Variants in RFX7 observed in about 807,000 individuals in gnomAD.
RFX7 encodes the protein regulatory factor X7, also known as DNA-binding protein RFX7.
Under a neutral mutation model 111.8 loss-of-function variants are expected in RFX7, and 26 were observed. The observed-to-expected ratio is 0.23, with a 90% CI of 0.17 to 0.32. The LOEUF (loss-of-function observed/expected upper bound fraction) is 0.32. RFX7 is among the 10% of genes least tolerant of loss of function. The pLI is 1.00. For synonymous variants in RFX7, 624 were observed against 624.4 expected (o/e 1.00, Z 0.01); for missense variants, 1,573 against 1,772.9 (o/e 0.89, Z 2.02).
intron 2 of RFX7, among the ~76,000 whole-genome samples, chr15:56,187,793 G>A (rs2043057732): frequency 6.6e-6 from 1 of 152,158 alleles, no homozygotes; most frequent in Admixed American, 6.5e-5. Context: ...AAAAAATAAA[G>A]TTGGGGTTTG....
chr15:56,098,121 G>T lies in RFX7; in HGVS notation c.1067C>A (p.Pro356His). Residue 356 changes from proline to histidine, a missense_variant, in exon 9 of 10, where the codon CCT becomes CAT. Physicochemically the swap from Pro to His is moderately conservative, Grantham distance 77 (BLOSUM62 -2). Coordinates refer to ENST00000559447, the MANE Select transcript of RFX7 (RefSeq NM_022841.7). ...NGNPSILSPQPIGIVVAAVPS... is the reference protein window; with the variant it reads ...NGNPSILSPQHIGIVVAAVPS... ...GACAGCTGCCACAACGATACCAATA[G>T]GTTGAGGAGAAAGGATTGAAGGATT... The T allele has an allele frequency of 6.2e-7, 1 of 1,613,902 alleles. No individual in the cohort carries two copies. Among genetic ancestry groups the T allele is most frequent in the Non-Finnish European group, 8.5e-7 (1 of 1,179,810 alleles).
rs1049604594 is a variant in RFX7 at position 56,188,893 on chromosome 15, T to C, written c.162-9590A>G. ...TGTCACCCAGGCTGGAATGCAGTGG[T>C]GCGATCTCGGCTCACTGCAACCTCC... On this transcript the variant is annotated intron_variant, in intron 2 of 9. Transcript: ENST00000559447. Among the ~76,000 whole-genome samples, 4 of 152,262 alleles carry C rather than the reference T, an allele frequency of 2.6e-5. No homozygotes were observed. The South Asian group carries it at 8.3e-4, about 32-fold the overall frequency.
intron 2 of RFX7, chr15:56,192,701 C>T (rs1368667270): frequency 5.5e-5 from 12 of 219,210 alleles, no homozygotes; most frequent in African/African-American, 2.8e-4. Context: ...TCAAGTTTAC[C>T]AAAGATTCAA....
chr15:56,093,607 G>A lies in RFX7; in HGVS notation c.4121C>T (p.Thr1374Ile). The A allele has an allele frequency of 6.2e-7, 1 of 1,613,834 alleles. No homozygotes were observed. Among genetic ancestry groups the A allele is most frequent in the South Asian group, 1.1e-5 (1 of 91,072 alleles). The change falls in exon 10 of 10, where the codon ACT becomes ATT. Residue 1374 changes from threonine (T) to isoleucine (I), a missense_variant. Transcript: ENST00000559447. ...QLVGQGASDL[T>I]NTASDFSSDI... ...GCTAGAGAAATCAGATGCAGTATTAGTGAGATCAGATGCTCCCTGACCTAC... is the reference window on the plus strand; with the variant it reads ...GCTAGAGAAATCAGATGCAGTATTAATGAGATCAGATGCTCCCTGACCTAC...
At chr15:56,150,043 G>A (rs1214451461) in intron 3 of RFX7, among the ~76,000 whole-genome samples, 2 of 151,382 alleles carry the variant, frequency 1.3e-5, no homozygotes, top group Non-Finnish European at 2.9e-5. Flanking sequence ...GCGGGGTGGG[G>A]CGGGGGGGTC....
At chr15:56,172,284 A>G (rs1310085246) in intron 3 of RFX7, among the ~76,000 whole-genome samples, 1 of 152,194 alleles carries the variant, frequency 6.6e-6, no homozygotes, top group East Asian at 1.9e-4. Context: ...AATTCAATCA[A>G]CACTTTGACT....
Position 56,094,126 on chromosome 15 carries a change from G to A in RFX7, c.3602C>T (p.Thr1201Ile). 2 of 1,613,962 alleles carry A rather than the reference G, an allele frequency of 1.2e-6. No individual in the cohort carries two copies. The highest frequency in any genetic ancestry group is 8.5e-7 in the Non-Finnish European group (1 of 1,179,888). Residue 1201 changes from threonine to isoleucine, a missense_variant, in exon 10 of 10, where the codon ACC (threonine) becomes ATC (isoleucine). By Grantham distance (89) the Thr-to-Ile change is moderately conservative. This residue lies in a region of RFX7 where 411 missense variants were observed against 478.1 expected (regional missense o/e 0.86). Transcript: ENST00000559447. ...SNVTPFGSPV[T>I]PEVHVFTNVH... ...ATTTGTGAAAACATGAACTTCTGGGGTAACTGGACTTCCAAAGGGGGTCAC... is the reference window on the plus strand; with the variant it reads ...ATTTGTGAAAACATGAACTTCTGGGATAACTGGACTTCCAAAGGGGGTCAC...
chr15:56,153,519 A>G (rs1191177360), intron 3 of RFX7, among the ~76,000 whole-genome samples: 8 of 152,194 alleles, frequency 5.3e-5, no homozygotes, highest in African/African-American at 1.9e-4. Flanking sequence ...AACCCAATCC[A>G]CATAAAAAGA....
Position 56,095,104 on chromosome 15 carries a change from T to C in RFX7, c.2624A>G (p.Tyr875Cys). ...EPSVSQTNES[Y>C]FPFDDELTQD... ...TGTAAGTTCATCATCAAAAGGAAAG[T>C]AGCTTTCATTTGTCTGGGAAACAGA... Residue 875 changes from tyrosine (Y) to cysteine (C), a missense_variant, in exon 10 of 10, where the codon TAC becomes TGC. Tyr to Cys is a radical substitution (Grantham distance 194, BLOSUM62 -2). Transcript: ENST00000559447. 1 of 1,613,782 alleles carries C rather than the reference T, an allele frequency of 6.2e-7. No homozygotes were observed. Among genetic ancestry groups the C allele is most frequent in the Admixed American group, 1.7e-5 (1 of 60,012 alleles).
At chr15:56,183,433 A>T (rs2042999143) in intron 2 of RFX7, among the ~76,000 whole-genome samples, 2 of 152,200 alleles carry the variant, frequency 1.3e-5, no homozygotes, top group South Asian at 4.2e-4. Flanking sequence ...CTTTAATCGG[A>T]ATTTATTCTT....
chr15:56,140,471 C>A (rs540181929), intron 5 of RFX7, among the ~76,000 whole-genome samples: 1 of 152,194 alleles, frequency 6.6e-6, no homozygotes, highest in Non-Finnish European at 1.5e-5. Context: ...CGCCCTGCTT[C>A]GGCTGGCGCA....
intron 5 of RFX7, among the ~76,000 whole-genome samples, chr15:56,130,890 A>G (rs964533620): frequency 6.6e-6 from 1 of 152,166 alleles, no homozygotes; most frequent in Non-Finnish European, 1.5e-5. Flanking sequence ...TGAATAAAGT[A>G]AAAACCTAAC....
At chr15:56,214,813 TATCG>T (rs1305845012) in intron 2 of RFX7, among the ~76,000 whole-genome samples, 14 of 152,190 alleles carry the variant, frequency 9.2e-5, no homozygotes, top group African/African-American at 2.9e-4. Context: ...TTAATTACAC[TATCG>T]ATTTTTATTG....
chr15:56,241,521 C>T (rs182274619), intron 2 of RFX7, among the ~76,000 whole-genome samples: 2 of 152,146 alleles, frequency 1.3e-5, no homozygotes, highest in Admixed American at 6.5e-5. Flanking sequence ...AATGTAAAAC[C>T]AAGGTGCTTA....
intron 2 of RFX7, among the ~76,000 whole-genome samples, chr15:56,210,439 T>C (rs907875017): frequency 1.3e-5 from 2 of 151,860 alleles, no homozygotes; most frequent in African/African-American, 4.8e-5. Context: ...AAGGACAGAG[T>C]TGAACTCAAC....
At chr15:56,184,485 C>T (rs2043015886) in intron 2 of RFX7, among the ~76,000 whole-genome samples, 1 of 152,060 alleles carries the variant, frequency 6.6e-6, no homozygotes, top group Admixed American at 6.6e-5. Flanking sequence ...TAAAGAGTAG[C>T]AGTGATAGAA....
chr15:56,104,508 A>G (rs188971299), intron 5 of RFX7, among the ~76,000 whole-genome samples: 34 of 152,336 alleles, frequency 2.2e-4, no homozygotes, highest in African/African-American at 7.7e-4. Context: ...ATTTAGCATC[A>G]ACCAGGACAG....
At chr15:56,207,497 T>G (rs545272835) in intron 2 of RFX7, among the ~76,000 whole-genome samples, 117 of 152,300 alleles carry the variant, frequency 7.7e-4, no homozygotes, top group Non-Finnish European at 1.1e-3. Context: ...CTAAGCCTCA[T>G]ACCTTACAGA....
rs898699959 is a variant in RFX7 at position 56,093,981 on chromosome 15, T to A, written c.3747A>T (p.Ile1249=). The change falls in exon 10 of 10, where the codon ATA becomes ATT. Residue 1249 remains isoleucine, a synonymous_variant. Coordinates refer to ENST00000559447, the MANE Select transcript of RFX7 (RefSeq NM_022841.7). The part of the protein sequence containing the change: ...ALQKQANSKK[I]TNVLLSKLDS... ...CAAGTTTACTCAACAAAACATTGGT[T>A]ATTTTTTTACTGTTTGCTTGCTTCT... 3.7e-6 allele frequency: 6 copies of A among 1,614,010 alleles called. No individual in the cohort carries two copies. The highest frequency in any genetic ancestry group is 5.1e-6 in the Non-Finnish European group (6 of 1,179,874).
Sources: allele counts gnomAD v4.1 joint callset (sites outside exome capture counted in the v4.1 genomes callset), GRCh38; gene constraint gnomAD v4.1.1; regional missense constraint gnomAD v4.1.1; transcripts MANE v1.5; gene names NCBI Gene and HGNC (gene_info 2026-07-23, HGNC 2026-07-21).